Variants in PAK1 observed in about 807,000 individuals in gnomAD.
PAK1 encodes the protein serine/threonine-protein kinase PAK 1.
PAK1 carries 29 observed loss-of-function variants against 67.4 expected under a neutral mutation model. The ratio of observed to expected loss-of-function variants is 0.43; its 90% CI spans 0.32 to 0.59. The LOEUF is 0.59. Among genes scored for constraint, PAK1 ranks in the 20% least tolerant of loss-of-function variants. The pLI is 0.07. For missense variants in PAK1, 337 were observed against 670.7 expected (o/e 0.50, Z 5.50); for synonymous variants, 223 against 237.4 (o/e 0.94, Z 0.56).
chr11:77,331,496 G>T lies in PAK1; in HGVS notation c.1551+1234C>A, dbSNP rs1165729848. ...TCATGTCCTTTGTAGGGACATGGAT[G>T]AAACTGGAAACCATCATTCTCAGCA... is the stretch of plus-strand genomic sequence containing the variant. On this transcript the variant is annotated intron_variant, in intron 14 of 14. Coordinates refer to ENST00000356341, the MANE Select transcript of PAK1 (RefSeq NM_002576.5). 2.6e-5 allele frequency among the ~76,000 whole-genome samples: 4 copies of T among 152,130 alleles called. No homozygotes were observed. The East Asian group carries it at 7.7e-4, about 29-fold the overall frequency.
At chr11:77,346,388 C>T (rs549446574) in intron 9 of PAK1, among the ~76,000 whole-genome samples, 81 of 152,308 alleles carry the variant, frequency 5.3e-4, no homozygotes, top group African/African-American at 1.9e-3. Flanking sequence ...TGGACTTGAA[C>T]TCTGAGGACT....
chr11:77,507,824 C>G, the PAK1 span, among the ~76,000 whole-genome samples: 1 of 152,332 alleles, frequency 6.6e-6, no homozygotes, highest in East Asian at 1.9e-4. Flanking sequence ...CCACACCTGG[C>G]TCCCCAATAT....
chr11:77,396,054 G>C (rs1951788346), intron 1 of PAK1, among the ~76,000 whole-genome samples: 1 of 152,130 alleles, frequency 6.6e-6, no homozygotes, highest in East Asian at 1.9e-4. Flanking sequence ...TTCATTGAAT[G>C]TAACTCCATT....
At chr11:77,350,326 A>C (rs1945060456) in intron 8 of PAK1, among the ~76,000 whole-genome samples, 2 of 152,190 alleles carry the variant, frequency 1.3e-5, no homozygotes, top group African/African-American at 4.8e-5. Flanking sequence ...CCCCCAAGGT[A>C]AGAATGACCC....
chr11:77,386,303 G>C (rs985611977), intron 2 of PAK1, among the ~76,000 whole-genome samples: 6 of 152,332 alleles, frequency 3.9e-5, no homozygotes, highest in Admixed American at 1.3e-4. Context: ...TCCAAACTTG[G>C]AGAGATAAAC....
the PAK1 span, among the ~76,000 whole-genome samples, chr11:77,494,759 C>T: frequency 2.6e-5 from 4 of 152,122 alleles, no homozygotes; most frequent in African/African-American, 9.7e-5. Flanking sequence ...ATGACTCACA[C>T]CTGTAATTCT....
intron 10 of PAK1, among the ~76,000 whole-genome samples, chr11:77,341,315 T>C (rs1189172672): frequency 6.6e-6 from 1 of 152,200 alleles, no homozygotes; most frequent in Non-Finnish European, 1.5e-5. Context: ...AAGATAACTA[T>C]AAATATTAAA....
intron 1 of PAK1, among the ~76,000 whole-genome samples, chr11:77,460,159 GAA>G (rs71043579): frequency 1.0e-5 from 1 of 97,102 alleles, no homozygotes; most frequent in African/African-American, 4.0e-5. Flanking sequence ...CTGTAGAATA[GAA>G]AAAAAAAAAA....
the PAK1 span, among the ~76,000 whole-genome samples, chr11:77,499,583 T>G: frequency 6.6e-5 from 10 of 152,312 alleles, no homozygotes; most frequent in South Asian, 2.1e-4. Context: ...AAGTCTTTCA[T>G]GCCCACTCTG....
chr11:77,374,707 C>G (rs1592052621), intron 4 of PAK1, among the ~76,000 whole-genome samples: 1 of 152,300 alleles, frequency 6.6e-6, no homozygotes, highest in East Asian at 1.9e-4. Flanking sequence ...AGTGTACTTA[C>G]ACAAACCTAG....
intron 1 of PAK1, among the ~76,000 whole-genome samples, chr11:77,426,326 C>T (rs1184859409): frequency 6.6e-6 from 1 of 152,072 alleles, no homozygotes; most frequent in Non-Finnish European, 1.5e-5. Context: ...ATGGCATATA[C>T]TAAGCCAGGG....
chr11:77,389,543 T>C (rs1162360472), intron 2 of PAK1, among the ~76,000 whole-genome samples: 10 of 152,234 alleles, frequency 6.6e-5, no homozygotes, highest in African/African-American at 9.6e-5. Context: ...TTTTTTATTA[T>C]AGCCATCCTA....
intron 2 of PAK1, among the ~76,000 whole-genome samples, chr11:77,390,893 T>C (rs1951054878): frequency 6.6e-6 from 1 of 152,156 alleles, no homozygotes; most frequent in African/African-American, 2.4e-5. Flanking sequence ...AATGTACTCA[T>C]TAAAAGTCCT....
intron 2 of PAK1, among the ~76,000 whole-genome samples, chr11:77,387,945 A>C (rs1199196623): frequency 6.6e-6 from 1 of 152,246 alleles, no homozygotes; most frequent in African/African-American, 2.4e-5. Flanking sequence ...GGCTCCAAAC[A>C]AAAGAAAAAC....
At chr11:77,521,725 C>G in the PAK1 span, among the ~76,000 whole-genome samples, 2 of 152,140 alleles carry the variant, frequency 1.3e-5, no homozygotes, top group African/African-American at 4.8e-5. Flanking sequence ...TTGGTTAGCT[C>G]CCTTGATCTT....
At chr11:77,374,724 T>C (rs1483412457) in intron 4 of PAK1, among the ~76,000 whole-genome samples, 2 of 152,218 alleles carry the variant, frequency 1.3e-5, no homozygotes, top group Non-Finnish European at 2.9e-5. Flanking sequence ...CTAGACGGTA[T>C]AGCCTGCTAC....
chr11:77,475,630 A>G (rs1180785920), upstream of PAK1: 2 of 152,228 alleles, frequency 1.3e-5, no homozygotes, highest in Non-Finnish European at 2.9e-5. Context: ...TGACTGGCCA[A>G]CACCTATTCA....
chr11:77,483,824 G>A, the PAK1 span, among the ~76,000 whole-genome samples: 4 of 152,224 alleles, frequency 2.6e-5, no homozygotes, highest in African/African-American at 9.6e-5. Context: ...AATTCGTGGA[G>A]ATGAAAATTT....
chr11:77,475,742 A>G (rs1181771944), upstream of PAK1: 1 of 152,238 alleles, frequency 6.6e-6, no homozygotes, highest in Non-Finnish European at 1.5e-5. Context: ...GTAATTCTAT[A>G]GTATTTCTAT....
Sources: gnomAD v4.1 joint callset for allele counts (sites outside exome capture counted in the v4.1 genomes callset) on GRCh38, gnomAD v4.1.1 for gene constraint, MANE v1.5 for transcripts, NCBI Gene and HGNC (gene_info 2026-07-23, HGNC 2026-07-21) for gene names.